ANO4: variants seen among roughly 807,000 people sequenced by gnomAD.
The protein encoded by ANO4 is anoctamin-4.
In ANO4, 69 loss-of-function variants were observed where a neutral mutation model predicts 141.9. The observed-to-expected ratio is 0.49, with a 90% CI of 0.40 to 0.59. ANO4 has a LOEUF of 0.59. Among genes scored for constraint, ANO4 ranks in the 20% least tolerant of loss-of-function variants. The pLI, the probability that ANO4 is intolerant of heterozygous loss-of-function variation, is 0.00. For missense variants in ANO4, 894 were observed against 1,162.2 expected, an observed-to-expected ratio of 0.77 and a Z score of 3.36; for synonymous variants, 350 against 394.3, an observed-to-expected ratio of 0.89 and a Z score of 1.33.
intron 1 of ANO4, among the ~76,000 whole-genome samples, chr12:100,872,557 A>G (rs2039085986): frequency 6.6e-6 from 1 of 152,252 alleles, no homozygotes; most frequent in Non-Finnish European, 1.5e-5. Context: ...CATTAAAAAC[A>G]AATGCAAGTA....
intron 1 of ANO4, among the ~76,000 whole-genome samples, chr12:100,806,508 G>A (rs1425456462): frequency 2.5e-5 from 2 of 79,362 alleles, no homozygotes; most frequent in Admixed American, 1.3e-4. Flanking sequence ...TTTTTAGGAG[G>A]TTTTTTTTTT....
intron 1 of ANO4, among the ~76,000 whole-genome samples, chr12:100,720,881 G>A (rs1245340105): frequency 1.3e-5 from 2 of 152,160 alleles, no homozygotes; most frequent in Non-Finnish European, 2.9e-5. Context: ...TCCAAAGTCA[G>A]CCCTATATTC....
chr12:100,806,476 A>C (rs2035029762), intron 1 of ANO4, among the ~76,000 whole-genome samples: 1 of 145,656 alleles, frequency 6.9e-6, no homozygotes, highest in Admixed American at 7.0e-5. Context: ...GCCCACTTTC[A>C]ACTATTGAGT....
chr12:100,925,894 A>G (rs1435031938), intron 3 of ANO4, among the ~76,000 whole-genome samples: 1 of 151,516 alleles, frequency 6.6e-6, no homozygotes, highest in Non-Finnish European at 1.5e-5. Context: ...TCAAGCTAGA[A>G]GTGCATATGT....
At chr12:101,029,907 TA>T (rs59678820) in intron 9 of ANO4, among the ~76,000 whole-genome samples, 77 of 96,166 alleles carry the variant, frequency 8.0e-4, no homozygotes, top group Middle Eastern at 5.3e-3. Context: ...AGTCTCCGTC[TA>T]AAAAAAAAAA....
chr12:100,931,989 CT>C (rs71437001), intron 3 of ANO4, among the ~76,000 whole-genome samples: 4,279 of 137,708 alleles, frequency 0.031, 112 homozygotes, highest in African/African-American at 0.078. Flanking sequence ...CGGAGGTGTT[CT>C]TTTTTTTTTT....
rs751477189 is a variant in ANO4 at position 101,042,457 on chromosome 12, C to T, written c.1143C>T (p.His381=). ...TGTATGGCGTCACCACTCTGGATCA[C>T]AGCCAAGTCAGGTACGGGGAGCTCT... ...VFLYGVTTLD[H]SQVSKEVCQA... Residue 381 remains histidine, a synonymous_variant, in exon 12 of 28, where the codon CAC becomes CAT. Transcript: ENST00000392977. 6.2e-7 allele frequency: 1 copy of T among 1,614,134 alleles called. No homozygotes were observed. Among genetic ancestry groups the T allele is most frequent in the South Asian group, 1.1e-5 (1 of 91,078 alleles).
chr12:100,951,538 A>T (rs1008377688), intron 5 of ANO4, among the ~76,000 whole-genome samples: 2 of 152,212 alleles, frequency 1.3e-5, no homozygotes, highest in African/African-American at 4.8e-5. Context: ...TTGTAGGGAC[A>T]TGGATGGAGC....
intron 3 of ANO4, among the ~76,000 whole-genome samples, chr12:100,743,783 G>T (rs1030343959): frequency 3.3e-5 from 5 of 152,082 alleles, no homozygotes; most frequent in Non-Finnish European, 7.4e-5. Flanking sequence ...CATTTCGCTT[G>T]GGTTTGTTAT....
chr12:100,871,266 T>C (rs531522344), intron 1 of ANO4, among the ~76,000 whole-genome samples: 1 of 152,240 alleles, frequency 6.6e-6, no homozygotes, highest in Non-Finnish European at 1.5e-5. Flanking sequence ...TGAAGCTTTC[T>C]AGGCCGTATT....
rs2041739499 is a variant in ANO4 at position 100,923,669 on chromosome 12, G to A, written c.160+1339G>A. 3.3e-5 allele frequency among the ~76,000 whole-genome samples: 5 copies of A among 152,122 alleles called. 1 individual carries two copies. The South Asian group carries it at 1.0e-3, about 32-fold the overall frequency. Reference sequence around the variant, plus strand: ...ATATGCTCAGTAATGGGATTGCTGGGTCAAATGGTATTTCTAGTTCTACCT... The same window carrying A: ...ATATGCTCAGTAATGGGATTGCTGGATCAAATGGTATTTCTAGTTCTACCT... On this transcript the variant is annotated intron_variant, in intron 3 of 27. Coordinates refer to ENST00000392977, the MANE Select transcript of ANO4 (RefSeq NM_001286615.2).
At chr12:101,103,743 T>A (rs1248704099) in intron 22 of ANO4, among the ~76,000 whole-genome samples, 1 of 151,936 alleles carries the variant, frequency 6.6e-6, no homozygotes, top group Non-Finnish European at 1.5e-5. Context: ...ATTTTTATGA[T>A]AGCCCTTTAA....
intron 9 of ANO4, among the ~76,000 whole-genome samples, chr12:101,034,409 G>A (rs1314315020): frequency 6.6e-6 from 1 of 152,112 alleles, no homozygotes; most frequent in Non-Finnish European, 1.5e-5. Flanking sequence ...AACACTGCAT[G>A]CCCTCACTCA....
chr12:101,093,238 A>AT (rs2136933641), intron 17 of ANO4, among the ~76,000 whole-genome samples: 1 of 152,182 alleles, frequency 6.6e-6, no homozygotes, highest in East Asian at 1.9e-4. Context: ...TATGTTGTTT[A>AT]TTTCTGTAAT....
At chr12:100,972,207 A>G (rs922752075) in intron 6 of ANO4, among the ~76,000 whole-genome samples, 1 of 152,240 alleles carries the variant, frequency 6.6e-6, no homozygotes, top group Non-Finnish European at 1.5e-5. Flanking sequence ...GCAATTTGCC[A>G]GTAAGACCAC....
chr12:101,001,520 G>A (rs764635597), intron 8 of ANO4, among the ~76,000 whole-genome samples: 2 of 152,138 alleles, frequency 1.3e-5, no homozygotes, highest in African/African-American at 4.8e-5. Context: ...TTAAGCCAGG[G>A]TTACCCAGTA....
chr12:100,911,995 C>A (rs1282396700), intron 2 of ANO4, among the ~76,000 whole-genome samples: 1 of 152,120 alleles, frequency 6.6e-6, no homozygotes, highest in Non-Finnish European at 1.5e-5. Context: ...TCATAGCAGT[C>A]TGTGAGGTGG....
intron 5 of ANO4, among the ~76,000 whole-genome samples, chr12:100,968,354 A>C (rs1416478036): frequency 6.6e-6 from 1 of 152,124 alleles, no homozygotes; most frequent in Non-Finnish European, 1.5e-5. Context: ...TTATTTTCCC[A>C]CTAGATTGTT....
intron 3 of ANO4, among the ~76,000 whole-genome samples, chr12:100,925,983 T>C (rs2041856181): frequency 6.6e-6 from 1 of 151,864 alleles, no homozygotes; most frequent in African/African-American, 2.4e-5. Context: ...TCCCAAAGTA[T>C]CTCTTTTCAA....
Sources: gnomAD v4.1 joint callset for allele counts (sites outside exome capture counted in the v4.1 genomes callset) on GRCh38, gnomAD v4.1.1 for gene constraint, MANE v1.5 for transcripts, NCBI Gene and HGNC (gene_info 2026-07-23, HGNC 2026-07-21) for gene names.